Variants in PGM1 observed in about 807,000 individuals in gnomAD.
The protein encoded by PGM1 is phosphoglucomutase-1.
Under a neutral mutation model 55.6 loss-of-function variants are expected in PGM1, and 52 were observed. The observed-to-expected ratio is 0.94, with a 90% CI of 0.75 to 1.18. The LOEUF (loss-of-function observed/expected upper bound fraction) is 1.18, where lower values mean the gene tolerates loss of function less well. Among genes scored for constraint, PGM1 ranks in the 50% most tolerant of loss-of-function variants. PGM1 has a pLI of 0.00. For missense variants in PGM1, 724 were observed against 729.3 expected (o/e 0.99, Z 0.08); for synonymous variants, 287 against 271.7 (o/e 1.06, Z -0.55).
intron 4 of PGM1, 134 bp from the exon 5 acceptor site, chr1:63,634,695 A>G: frequency 2.7e-6 from 2 of 736,456 alleles, no homozygotes; most frequent in South Asian, 3.1e-5. Flanking sequence ...GTCCCTGAAC[A>G]CATTTCACAC....
At position 63,639,036 on chromosome 1, in the gene PGM1, G is replaced by A. The variant is rs6691217; in HGVS notation, c.1144+236G>A. ...CATATCGACTCAGACAGGAAGTTGG[G>A]GGGCCTCCTCAGCAGCGTGGTCATT... On this transcript the variant is annotated intron_variant, in intron 7 of 10. Coordinates refer to ENST00000371084, the MANE Select transcript of PGM1 (RefSeq NM_002633.3). Among the ~76,000 whole-genome samples the A allele has an allele frequency of 0.044, 6,636 of 152,216 alleles. 478 individuals carry two copies. Among genetic ancestry groups the A allele is most frequent in the African/African-American group, 0.15 (6,287 of 41,522 alleles).
chr1:63,643,696 A>C (rs1375654727), intron 7 of PGM1, among the ~76,000 whole-genome samples: 2 of 152,254 alleles, frequency 1.3e-5, no homozygotes, highest in African/African-American at 4.8e-5. Context: ...TTCTTTGGGC[A>C]GACTGTCTTA....
In PGM1 at chr1:63,638,694, T is replaced by C; in HGVS notation, c.1038T>C (p.Ser346=). The change falls in exon 7 of 11, where the codon AGT becomes AGC. Residue 346 remains serine, a synonymous_variant. Coordinates refer to ENST00000371084, the MANE Select transcript of PGM1 (RefSeq NM_002633.3). Reference sequence around the variant, plus strand: ...TTTCATGCCTTTGAAGGGTGGCTAGTGCTACAAAGATTGCTTTGTATGAGA... The same window carrying C: ...TTTCATGCCTTTGAAGGGTGGCTAGCGCTACAAAGATTGCTTTGTATGAGA... ...PTSGALDRVA[S]ATKIALYETP... The C allele has an allele frequency of 6.2e-7, 1 of 1,612,544 alleles. No individual in the cohort carries two copies. Among genetic ancestry groups the C allele is most frequent in the Non-Finnish European group, 8.5e-7 (1 of 1,178,506 alleles).
At chr1:63,609,605 C>G (rs1648513923) in intron 1 of PGM1, among the ~76,000 whole-genome samples, 1 of 152,148 alleles carries the variant, frequency 6.6e-6, no homozygotes, top group Admixed American at 6.5e-5. Context: ...GATACACATT[C>G]AGTAGAAACC....
At chr1:63,623,438 G>A (rs780216958) in intron 1 of PGM1, 2 of 1,606,826 alleles carry the variant, frequency 1.2e-6, no homozygotes, top group Admixed American at 3.4e-5. Context: ...CACCCTCACT[G>A]AGCCAGTCGG....
intron 7 of PGM1, among the ~76,000 whole-genome samples, chr1:63,643,704 T>C (rs915637151): frequency 1.3e-5 from 2 of 152,226 alleles, no homozygotes; most frequent in African/African-American, 4.8e-5. Flanking sequence ...GCAGACTGTC[T>C]TAACAACTGA....
chr1:63,609,707 C>T (rs985384039), intron 1 of PGM1, among the ~76,000 whole-genome samples: 12 of 152,128 alleles, frequency 7.9e-5, no homozygotes, highest in African/African-American at 2.7e-4. Context: ...GTCCACCACG[C>T]GGTCCCGAGG....
chr1:63,659,684 G>A lies in PGM1; in HGVS notation c.*9G>A, dbSNP rs994076364. 6.3e-7 allele frequency: 1 copy of A among 1,598,556 alleles called. No individual in the cohort carries two copies. The highest frequency in any genetic ancestry group is 1.3e-5 in the African/African-American group (1 of 74,728). On this transcript the variant is annotated 3_prime_UTR_variant, in exon 11 of 11. Coordinates refer to ENST00000371084, the MANE Select transcript of PGM1 (RefSeq NM_002633.3). ...CCACTGTCATCACCTAAGAAGACAGGCCTGATGTGGTACGTCCCTCCACCC... is the reference window on the plus strand; with the variant it reads ...CCACTGTCATCACCTAAGAAGACAGACCTGATGTGGTACGTCCCTCCACCC...
chr1:63,605,207 T>C (rs1227811905), intron 1 of PGM1, among the ~76,000 whole-genome samples: 2 of 152,118 alleles, frequency 1.3e-5, no homozygotes, highest in African/African-American at 2.4e-5. Context: ...GTACAGCTTA[T>C]GTAACCTGCT....
intron 7 of PGM1, among the ~76,000 whole-genome samples, chr1:63,639,038 G>A (rs533436718): frequency 1.9e-4 from 29 of 152,180 alleles, no homozygotes; most frequent in Admixed American, 3.9e-4. Flanking sequence ...GAAGTTGGGG[G>A]GCCTCCTCAG....
intron 9 of PGM1, among the ~76,000 whole-genome samples, chr1:63,652,799 C>T (rs1009737180): frequency 3.9e-5 from 6 of 152,216 alleles, no homozygotes; most frequent in African/African-American, 1.4e-4. Flanking sequence ...CAGCAACCCT[C>T]AGTGCCTGGA....
At chr1:63,637,531 A>G (rs185976456) in intron 6 of PGM1, among the ~76,000 whole-genome samples, 2 of 152,362 alleles carry the variant, frequency 1.3e-5, no homozygotes, top group Admixed American at 6.5e-5. Context: ...TACATTCACC[A>G]TCTCAATTGA....
chr1:63,606,212 A>G (rs1275246564), intron 1 of PGM1, among the ~76,000 whole-genome samples: 1 of 152,192 alleles, frequency 6.6e-6, no homozygotes, highest in African/African-American at 2.4e-5. Flanking sequence ...CTTCCATGCT[A>G]TCAGAGGCAA....
At chr1:63,648,290 AG>A in intron 7 of PGM1, among the ~76,000 whole-genome samples, 1 of 152,144 alleles carries the variant, frequency 6.6e-6, no homozygotes, top group East Asian at 1.9e-4. Context: ...GAGAGAGTGA[AG>A]GGGGAAGTGC....
rs755428598 is a variant in PGM1, at chr1:63,648,514, C to T, written c.1145-3C>T. Reference sequence around the variant, plus strand: ...TTACAGCAGCTTGCTGTCCCCCCTCCAGGTTCTGACCACATCCGTGAGAAA... The same window carrying T: ...TTACAGCAGCTTGCTGTCCCCCCTCTAGGTTCTGACCACATCCGTGAGAAA... On this transcript the variant is annotated splice_polypyrimidine_tract_variant and splice_region_variant and intron_variant, in intron 7 of 10. Coordinates refer to ENST00000371084, the MANE Select transcript of PGM1 (RefSeq NM_002633.3). 6.2e-7 allele frequency: 1 copy of T among 1,614,102 alleles called. No homozygotes were observed. Among genetic ancestry groups the T allele is most frequent in the Non-Finnish European group, 8.5e-7 (1 of 1,179,990 alleles).
chr1:63,605,104 C>A (rs1648381648), intron 1 of PGM1, among the ~76,000 whole-genome samples: 1 of 152,066 alleles, frequency 6.6e-6, no homozygotes, highest in Admixed American at 6.6e-5. Flanking sequence ...CTGGTTCCAC[C>A]CTCAGGGAGG....
chr1:63,629,638 A>T, intron 2 of PGM1, 51 bp downstream of exon 2: 1 of 1,551,096 alleles, frequency 6.4e-7, no homozygotes, highest in Non-Finnish European at 8.9e-7. Context: ...CAGTAGGACA[A>T]ATCAATACCT....
intron 7 of PGM1, among the ~76,000 whole-genome samples, chr1:63,647,040 C>T (rs747942621): frequency 2.0e-5 from 3 of 151,720 alleles, no homozygotes; most frequent in Non-Finnish European, 2.9e-5. Context: ...GTCAGGAGTT[C>T]GAGACCAGCC....
chr1:63,648,287 T>C (rs1210334183), intron 7 of PGM1, among the ~76,000 whole-genome samples: 1 of 150,996 alleles, frequency 6.6e-6, no homozygotes, highest in Non-Finnish European at 1.5e-5. Context: ...AGAGAGAGAG[T>C]GAAGGGGGAA....
Sources: gnomAD v4.1 joint callset for allele counts (sites outside exome capture counted in the v4.1 genomes callset) on GRCh38, gnomAD v4.1.1 for gene constraint, MANE v1.5 for transcripts, NCBI Gene and HGNC (gene_info 2026-07-23, HGNC 2026-07-21) for gene names.